The following HDGFL2 variants were observed in gnomAD, a reference collection of about 807,000 sequenced individuals.
HDGFL2 encodes HDGF like 2, also known as hepatoma-derived growth factor-related protein 2.
In HDGFL2, 36 loss-of-function variants were observed where a neutral mutation model predicts 77.1. The observed-to-expected ratio is 0.47, with a 90% CI of 0.36 to 0.62. The LOEUF is 0.62. Among genes scored for constraint, HDGFL2 ranks in the 20% least tolerant of loss-of-function variants. HDGFL2 has a pLI of 0.00. For missense variants in HDGFL2, 976 were observed against 973.4 expected (o/e 1.00, Z -0.04); for synonymous variants, 463 against 413.1 (o/e 1.12, Z -1.46).
At chr19:4,499,388 C>T (rs746627508) in intron 13 of HDGFL2, 103 bp from the exon 14 acceptor site, 22 of 989,772 alleles carry the variant, frequency 2.2e-5, no homozygotes, top group Admixed American at 5.1e-5. Context: ...GCTGTGCTCC[C>T]GGGAGGGGCT....
intron 9 of HDGFL2, among the ~76,000 whole-genome samples, chr19:4,495,532 G>C (rs944769973): frequency 1.3e-5 from 2 of 152,122 alleles, no homozygotes; most frequent in Non-Finnish European, 2.9e-5. Flanking sequence ...GAACAGCGAG[G>C]TGGCCTCTGG....
chr19:4,499,336 A>G (rs1341907455), intron 13 of HDGFL2, among the ~76,000 whole-genome samples, 155 bp from the exon 14 acceptor site: 1 of 134,926 alleles, frequency 7.4e-6, no homozygotes, highest in African/African-American at 2.7e-5. Flanking sequence ...ACAGGGCGAG[A>G]CTCTGTCTCA....
At chr19:4,499,107 G>C (rs1473595162) in intron 13 of HDGFL2, among the ~76,000 whole-genome samples, 192 bp downstream of exon 13, 1 of 152,182 alleles carries the variant, frequency 6.6e-6, no homozygotes, top group African/African-American at 2.4e-5. Flanking sequence ...CAGCACTTTG[G>C]GAGGCTGAGG....
At chr19:4,482,251 C>A (rs1975240597) in intron 3 of HDGFL2, among the ~76,000 whole-genome samples, 1 of 151,400 alleles carries the variant, frequency 6.6e-6, no homozygotes, top group African/African-American at 2.4e-5. Context: ...GCTCTGTTGC[C>A]CAGGCTGGAG....
chr19:4,488,748 G>C lies in HDGFL2; in HGVS notation c.361G>C (p.Glu121Gln), dbSNP rs1186349063. ...CGGCAGTGACGCTGACGAGGACGAT[G>C]AGGACCGGGGGGTCATGGCCGTCAC... ...ADGSDADEDD[E>Q]DRGVMAVTAV... The change falls in exon 4 of 16, where the codon GAG (glutamate) becomes CAG (glutamine). Residue 121 changes from glutamate to glutamine, a missense_variant. Glu to Gln is a conservative substitution (Grantham distance 29). Coordinates refer to ENST00000616600, the MANE Select transcript of HDGFL2 (RefSeq NM_001001520.3). 3.2e-6 allele frequency: 5 copies of C among 1,553,594 alleles called. No individual in the cohort carries two copies. In the East Asian group the frequency reaches 1.2e-4, roughly 38 times the overall value.
At position 4,488,681 on chromosome 19, in the gene HDGFL2, G is replaced by A. The variant is rs1307860782; in HGVS notation, c.294G>A (p.Val98=). ...PHASYSAPPP[V]SSSDSEAPEA... The stretch of plus-strand genomic sequence containing the variant: ...CTCTGCCCCGACTCCCACAGCCAGT[G>A]AGCTCCTCCGACAGCGAGGCCCCCG... Residue 98 remains valine (V), a synonymous_variant, in exon 4 of 16, where the codon GTG becomes GTA. Transcript: ENST00000616600. 1 of 1,543,402 alleles carries A rather than the reference G, an allele frequency of 6.5e-7. No homozygotes were observed. Among genetic ancestry groups the A allele is most frequent in the South Asian group, 1.2e-5 (1 of 84,082 alleles).
rs1391822409 is a variant in HDGFL2 at position 4,485,891 on chromosome 19, A to AAAAAAAAAAAAAC, written c.289-2783_289-2782insAAAAAAAAAACAA. 1.0e-4 allele frequency among the ~76,000 whole-genome samples: 15 copies of AAAAAAAAAAAAAC among 149,672 alleles called. 1 individual carries two copies. The highest frequency in any genetic ancestry group is 3.7e-4 in the African/African-American group (15 of 40,822). The stretch of plus-strand genomic sequence containing the variant: ...GTGAAACCCCATGTCTACAAAAAAA[A>AAAAAAAAAAAAAC]AATACAAAAACGTTAGCCAGGTGTG... On this transcript the variant is annotated intron_variant, in intron 3 of 15. Coordinates refer to ENST00000616600, the MANE Select transcript of HDGFL2 (RefSeq NM_001001520.3).
chr19:4,487,032 C>T (rs1000629146), intron 3 of HDGFL2, among the ~76,000 whole-genome samples: 1 of 151,660 alleles, frequency 6.6e-6, no homozygotes, highest in South Asian at 2.1e-4. Flanking sequence ...GTGGTGTGAT[C>T]TCGGCTCACT....
In HDGFL2 at chr19:4,502,005, A is replaced by C. The variant is rs1020502406; in HGVS notation, c.2011A>C (p.Ser671Arg). ...RGDSEALDEE[S>R] is the part of the protein sequence containing the mutation. ...GGACTCGGAGGCCCTGGACGAGGAG[A>C]GCTGAGCCGCGGGCAGCCAGGCCCA... The change falls in exon 16 of 16, where the codon AGC (serine) becomes CGC (arginine). Residue 671 changes from serine (S) to arginine (R), a missense_variant. Physicochemically the swap from Ser to Arg is moderately radical, Grantham distance 110 (BLOSUM62 -1). Around this residue, in one of 5 missense-constraint regions of HDGFL2, gnomAD observed 229 missense variants for 187.3 expected, o/e 1.22. Transcript: ENST00000616600. 19 of 1,519,666 alleles carry C rather than the reference A, an allele frequency of 1.3e-5. No individual in the cohort carries two copies. Among genetic ancestry groups the C allele is most frequent in the Non-Finnish European group, 1.5e-5 (17 of 1,140,848 alleles). The allele number at this position is 1,519,666 out of a possible 1,614,324, so 94.1% of individuals were successfully genotyped here. A position where few individuals can be genotyped will look rare whatever the true frequency, so the allele number is the denominator to read the frequency against.
intron 3 of HDGFL2, among the ~76,000 whole-genome samples, chr19:4,485,505 G>A (rs1343748592): frequency 1.5e-4 from 23 of 151,784 alleles, no homozygotes; most frequent in African/African-American, 5.1e-4. Context: ...TTGGGAGGCC[G>A]AGGTGGGTGG....
At chr19:4,489,022 C>G (rs1465616491) in intron 4 of HDGFL2, 146 bp downstream of exon 4, 4 of 618,252 alleles carry the variant, frequency 6.5e-6, no homozygotes, top group African/African-American at 5.9e-5. Flanking sequence ...GGCGTGATCT[C>G]GACTCGCTGC....
At chr19:4,492,514 CTGTGTT>C (rs1253974230) in intron 6 of HDGFL2, among the ~76,000 whole-genome samples, 3 of 151,372 alleles carry the variant, frequency 2.0e-5, no homozygotes, top group Non-Finnish European at 2.9e-5. Flanking sequence ...ATCTATGTGT[CTGTGTT>C]TGTGTGTCTG....
chr19:4,487,045 A>C (rs780039634), intron 3 of HDGFL2, among the ~76,000 whole-genome samples: 1 of 150,508 alleles, frequency 6.6e-6, no homozygotes, highest in Non-Finnish European at 1.5e-5. Context: ...GGCTCACTGC[A>C]ACCTCTGCTT....
chr19:4,491,622 G>A lies in HDGFL2; in HGVS notation c.546G>A (p.Val182=), dbSNP rs759984035. The change falls in exon 5 of 16, where the codon GTG becomes GTA. Residue 182 remains valine (V), a synonymous_variant. Coordinates refer to ENST00000616600, the MANE Select transcript of HDGFL2 (RefSeq NM_001001520.3). ...CCAGCGACCTGGATCAGGCCAGCGT[G>A]TCCCCATCCGAAGAGGAGAACTCGG... is the stretch of plus-strand genomic sequence containing the variant. ...KASSDLDQAS[V]SPSEEENSES... 9 of 1,614,014 alleles carry A rather than the reference G, an allele frequency of 5.6e-6. No individual in the cohort carries two copies. In the South Asian group the frequency reaches 9.9e-5, roughly 18 times the overall value.
chr19:4,472,609 G>A (rs1339581157), intron 1 of HDGFL2, among the ~76,000 whole-genome samples, 187 bp downstream of exon 1: 1 of 150,728 alleles, frequency 6.6e-6, no homozygotes, highest in South Asian at 2.1e-4. Flanking sequence ...GGGTCTGGGG[G>A]TCCTGGGCCG....
intron 6 of HDGFL2, 83 bp from the exon 7 acceptor site, chr19:4,493,620 T>G (rs1599718422): frequency 1.5e-6 from 2 of 1,313,424 alleles, no homozygotes; most frequent in South Asian, 2.4e-5. Context: ...GCTGCAGGGG[T>G]GCGGGAGCCT....
intron 4 of HDGFL2, among the ~76,000 whole-genome samples, chr19:4,489,537 G>A (rs185773995): frequency 3.5e-4 from 54 of 152,118 alleles, no homozygotes; most frequent in Admixed American, 1.4e-3. Context: ...CGAAGTAGCT[G>A]AGATTACAGG....
intron 1 of HDGFL2, among the ~76,000 whole-genome samples, chr19:4,474,653 A>C (rs1352786486): frequency 6.6e-6 from 1 of 151,990 alleles, no homozygotes; most frequent in Non-Finnish European, 1.5e-5. Context: ...TCCCTTTCCC[A>C]GCTCTCTTCT....
chr19:4,480,867 T>A (rs1361603807), intron 3 of HDGFL2, among the ~76,000 whole-genome samples: 1 of 152,068 alleles, frequency 6.6e-6, no homozygotes, highest in Non-Finnish European at 1.5e-5. Context: ...TATTATTTTT[T>A]ATTTTTTTAG....
Sources: allele counts gnomAD v4.1 joint callset (sites outside exome capture counted in the v4.1 genomes callset), GRCh38; gene constraint gnomAD v4.1.1; regional missense constraint gnomAD v4.1.1; transcripts MANE v1.5; gene names NCBI Gene and HGNC (gene_info 2026-07-23, HGNC 2026-07-21).